Variants in CPE observed in about 807,000 individuals in gnomAD.
The protein encoded by CPE is carbocypeptidase E.
CPE carries 17 observed loss-of-function variants against 53.5 expected under a neutral mutation model. The ratio of observed to expected loss-of-function variants is 0.32; its 90% confidence interval spans 0.22 to 0.48. CPE has a LOEUF of 0.48. CPE is among the 20% of genes least tolerant of loss of function. The probability of loss-of-function intolerance (pLI) is 0.99; values close to 1 mark genes in which losing one functional copy is unlikely to be tolerated. For missense variants in CPE, 524 were observed against 614.7 expected, an observed-to-expected ratio of 0.85 and a Z score of 1.56; for synonymous variants, 226 against 228.8, an observed-to-expected ratio of 0.99 and a Z score of 0.11.
intron 1 of CPE, among the ~76,000 whole-genome samples, chr4:165,437,924 A>G (rs1731539944): frequency 6.6e-6 from 1 of 152,116 alleles, no homozygotes; most frequent in Non-Finnish European, 1.5e-5. Context: ...ATAATTTAAC[A>G]TTGCTTCAGG....
intron 1 of CPE, among the ~76,000 whole-genome samples, chr4:165,384,792 T>C (rs1730562223): frequency 6.6e-6 from 1 of 152,202 alleles, no homozygotes; most frequent in South Asian, 2.1e-4. Context: ...GCAGAGGGCC[T>C]CATACAGGGA....
At chr4:165,465,554 A>G (rs1294361540) in intron 2 of CPE, among the ~76,000 whole-genome samples, 2 of 152,116 alleles carry the variant, frequency 1.3e-5, no homozygotes, top group African/African-American at 4.8e-5. Context: ...ATGACTTAAA[A>G]TATGTGGGAA....
At chr4:165,481,017 T>TATATATATATATATATATATATA (rs1553978734) in intron 3 of CPE, among the ~76,000 whole-genome samples, 1 of 42,178 alleles carries the variant, frequency 2.4e-5, no homozygotes, top group African/African-American at 5.6e-5. Context: ...TATATATATA[T>TATATATATATATATATATATATA]TTTTTTTTTT....
rs530985480 is a variant in CPE at position 165,471,609 on chromosome 4, T to A, written c.672+3754T>A. On this transcript the variant is annotated intron_variant, in intron 3 of 8. Transcript: ENST00000402744. Reference sequence around the variant, plus strand: ...ACTTCATTCCATAAGGTATTTCAGATAAGACGTTTTAAATGCCTTGAGCCC... The same window carrying A: ...ACTTCATTCCATAAGGTATTTCAGAAAAGACGTTTTAAATGCCTTGAGCCC... Among the ~76,000 whole-genome samples, 3 of 152,346 alleles carry A rather than the reference T, an allele frequency of 2.0e-5. No homozygotes were observed. In the South Asian group the frequency reaches 6.2e-4, roughly 32 times the overall value.
intron 8 of CPE, among the ~76,000 whole-genome samples, 166 bp from the exon 9 acceptor site, chr4:165,497,346 T>A (rs1052226643): frequency 6.6e-6 from 1 of 152,232 alleles, no homozygotes; most frequent in Admixed American, 6.5e-5. Context: ...TTGAATTTTT[T>A]CCCCCTGAAA....
chr4:165,408,844 G>A lies in CPE; in HGVS notation c.307+29316G>A, dbSNP rs76075956. Among the ~76,000 whole-genome samples the A allele has an allele frequency of 1.8e-3, 269 of 152,284 alleles. 8 individuals are homozygous for A. In the East Asian group the frequency reaches 0.051, roughly 29 times the overall value. ...CGAAGAGCCTTCAGTTGGGGTGGAG[G>A]GAGACACAGAGAGAATAATATAAAG... On this transcript the variant is annotated intron_variant, in intron 1 of 8. Transcript: ENST00000402744.
chr4:165,490,417 AG>A (rs1303378462), intron 6 of CPE, among the ~76,000 whole-genome samples: 1 of 152,018 alleles, frequency 6.6e-6, no homozygotes, highest in Non-Finnish European at 1.5e-5. Flanking sequence ...GCAGATCATG[AG>A]GTCAGGAGAT....
chr4:165,428,406 T>G (rs79596674), intron 1 of CPE, among the ~76,000 whole-genome samples: 44,917 of 151,914 alleles, frequency 0.3, 6,734 homozygotes, highest in Middle Eastern at 0.39. Flanking sequence ...AGCAACCAAA[T>G]AATTGAATTG....
chr4:165,470,221 G>C (rs1439546020), intron 3 of CPE, among the ~76,000 whole-genome samples: 7 of 152,206 alleles, frequency 4.6e-5, no homozygotes, highest in Non-Finnish European at 1.0e-4. Context: ...CAACTTGAGA[G>C]ATCAAGTGCA....
At chr4:165,400,573 T>G (rs555300948) in intron 1 of CPE, among the ~76,000 whole-genome samples, 3 of 151,968 alleles carry the variant, frequency 2.0e-5, no homozygotes, top group Admixed American at 2.0e-4. Flanking sequence ...CTGGGGACAT[T>G]TGGGGAAGTA....
At chr4:165,390,453 G>T (rs1730662515) in intron 1 of CPE, among the ~76,000 whole-genome samples, 1 of 152,154 alleles carries the variant, frequency 6.6e-6, no homozygotes, top group African/African-American at 2.4e-5. Flanking sequence ...GATTCCAAAT[G>T]TATGAGCTGC....
chr4:165,457,803 C>A (rs1432109889), intron 1 of CPE, among the ~76,000 whole-genome samples: 3 of 152,106 alleles, frequency 2.0e-5, no homozygotes, highest in Non-Finnish European at 4.4e-5. Flanking sequence ...GTTCCTTTGC[C>A]TTTTCTTGGT....
rs74961513 is a variant in CPE, at chr4:165,462,303, G to T, written c.308-2087G>T. On this transcript the variant is annotated intron_variant, in intron 1 of 8. Coordinates refer to ENST00000402744, the MANE Select transcript of CPE (RefSeq NM_001873.4). ...GACATCTGGGGGCAAGTGTGGCTTA[G>T]TGACTATGGGTTTGTTGTTTCTTCT... Among the ~76,000 whole-genome samples the T allele has an allele frequency of 7.0e-4, 107 of 152,306 alleles. 1 individual carries two copies. In the East Asian group the frequency reaches 0.02, roughly 28 times the overall value.
At chr4:165,387,805 A>G (rs1180439491) in intron 1 of CPE, among the ~76,000 whole-genome samples, 6 of 152,096 alleles carry the variant, frequency 3.9e-5, no homozygotes, top group Non-Finnish European at 1.5e-5. Flanking sequence ...AGACTCTGTT[A>G]AAACAAAAAG....
chr4:165,422,789 A>G (rs943719555), intron 1 of CPE, among the ~76,000 whole-genome samples: 4 of 152,050 alleles, frequency 2.6e-5, no homozygotes, highest in Non-Finnish European at 5.9e-5. Context: ...CATCCTGGCC[A>G]ATATGGTGAA....
chr4:165,379,500 G>T lies in CPE; in HGVS notation c.279G>T (p.Leu93=). The change falls in exon 1 of 9, where the codon CTG becomes CTT. Residue 93 remains leucine, a synonymous_variant. Coordinates refer to ENST00000402744, the MANE Select transcript of CPE (RefSeq NM_001873.4). The surrounding 1 kb of genome is among the most constrained non-coding windows in gnomAD (Gnocchi z 6.0). The part of the protein sequence containing the change: ...FEGRELLVIE[L]SDNPGVHEPG... ...GCCGGGAGCTCCTGGTCATCGAGCTGTCCGACAACCCTGGCGTCCATGAGC... is the reference window on the plus strand; with the variant it reads ...GCCGGGAGCTCCTGGTCATCGAGCTTTCCGACAACCCTGGCGTCCATGAGC... 1 of 1,597,620 alleles carries T rather than the reference G, an allele frequency of 6.3e-7. No individual in the cohort carries two copies.
intron 1 of CPE, among the ~76,000 whole-genome samples, chr4:165,391,222 G>A (rs1730673648): frequency 6.6e-6 from 1 of 152,084 alleles, no homozygotes; most frequent in Non-Finnish European, 1.5e-5. Context: ...TCTGCATACA[G>A]GGAAAGTGAA....
intron 1 of CPE, among the ~76,000 whole-genome samples, chr4:165,445,450 G>C (rs554372556): frequency 6.6e-6 from 1 of 151,714 alleles, no homozygotes; most frequent in South Asian, 2.1e-4. Flanking sequence ...CTTTTGGCTG[G>C]TTTTGGTATT....
intron 1 of CPE, among the ~76,000 whole-genome samples, chr4:165,424,438 T>C (rs936160680): frequency 5.3e-5 from 8 of 152,058 alleles, no homozygotes; most frequent in Admixed American, 4.6e-4. Flanking sequence ...TCATGTTTGA[T>C]TTTATTATTT....
Sources: gnomAD v4.1 joint callset for allele counts (sites outside exome capture counted in the v4.1 genomes callset) on GRCh38, gnomAD v4.1.1 for gene constraint, Gnocchi (gnomAD v3.1) non-coding constraint, MANE v1.5 for transcripts, NCBI Gene and HGNC (gene_info 2026-07-23, HGNC 2026-07-21) for gene names.